Variants in NKAIN2 observed in about 807,000 individuals in gnomAD.
NKAIN2 encodes the protein sodium/potassium-transporting ATPase subunit beta-1-interacting protein 2.
Under a neutral mutation model 32.6 loss-of-function variants are expected in NKAIN2, and 14 were observed. The ratio of observed to expected loss-of-function variants is 0.43; its 90% CI spans 0.28 to 0.67. The LOEUF is 0.67. NKAIN2 is among the 30% of genes least tolerant of loss of function. The probability of loss-of-function intolerance (pLI) is 0.17; values close to 1 mark genes in which losing one functional copy is unlikely to be tolerated. For synonymous variants in NKAIN2, 80 were observed against 87.2 expected (o/e 0.92, Z 0.46); for missense variants, 198 against 258.3 (o/e 0.77, Z 1.60).
At chr6:123,896,701 T>C (rs1774296136) in intron 1 of NKAIN2, among the ~76,000 whole-genome samples, 1 of 152,170 alleles carries the variant, frequency 6.6e-6, no homozygotes, top group Non-Finnish European at 1.5e-5. Context: ...GTCAATCCAC[T>C]ATGTAAATGT....
At chr6:124,664,793 CAAAAAAAAAAAAAAAAAAAAAAAA>C (rs57032378) in intron 4 of NKAIN2, among the ~76,000 whole-genome samples, 3 of 40,800 alleles carry the variant, frequency 7.4e-5, no homozygotes, top group African/African-American at 9.8e-5. Context: ...GACTCCGTCT[CAAAAAAAAAAAAAAAAAAAAAAAA>C]AAAAAAAAAA....
chr6:124,661,700 C>G (rs1025976550), intron 4 of NKAIN2, among the ~76,000 whole-genome samples: 1 of 152,108 alleles, frequency 6.6e-6, no homozygotes, highest in Non-Finnish European at 1.5e-5. Context: ...TTCTCCTTCT[C>G]CAGCCATATT....
At chr6:123,906,534 C>T (rs963375526) in intron 1 of NKAIN2, among the ~76,000 whole-genome samples, 2 of 152,160 alleles carry the variant, frequency 1.3e-5, no homozygotes, top group Admixed American at 1.3e-4. Context: ...CTCAAGCAAT[C>T]TGCTTGCCTC....
At chr6:123,925,276 T>C (rs1196078860) in intron 1 of NKAIN2, among the ~76,000 whole-genome samples, 2 of 152,178 alleles carry the variant, frequency 1.3e-5, no homozygotes, top group Admixed American at 1.3e-4. Context: ...TAAAACATTG[T>C]GTATAAATAA....
intron 1 of NKAIN2, among the ~76,000 whole-genome samples, chr6:123,902,570 A>G (rs369296576): frequency 6.0e-4 from 91 of 152,270 alleles, no homozygotes; most frequent in Admixed American, 1.0e-3. Context: ...AATTAATCCT[A>G]ATTAAACATT....
intron 1 of NKAIN2, among the ~76,000 whole-genome samples, chr6:124,126,309 C>T (rs562352176): frequency 6.6e-6 from 1 of 152,276 alleles, no homozygotes; most frequent in South Asian, 2.1e-4. Flanking sequence ...TGCCACAGTT[C>T]CCTAGTCCAT....
chr6:124,711,165 C>G (rs1430622169), intron 4 of NKAIN2, among the ~76,000 whole-genome samples: 1 of 139,550 alleles, frequency 7.2e-6, no homozygotes, highest in Non-Finnish European at 1.5e-5. Context: ...GGCCCCCACT[C>G]TCTTCTGGCT....
chr6:123,930,020 C>T (rs921238371), intron 1 of NKAIN2, among the ~76,000 whole-genome samples: 1 of 152,030 alleles, frequency 6.6e-6, no homozygotes, highest in Non-Finnish European at 1.5e-5. Flanking sequence ...GTCCATGAAA[C>T]ATTTAAAACC....
intron 4 of NKAIN2, among the ~76,000 whole-genome samples, chr6:124,661,770 T>C (rs1157970739): frequency 6.6e-6 from 1 of 151,984 alleles, no homozygotes; most frequent in African/African-American, 2.4e-5. Context: ...ACAGATTTAA[T>C]AAAACCAAAA....
At chr6:124,178,350 C>T (rs1011180295) in intron 1 of NKAIN2, among the ~76,000 whole-genome samples, 13 of 149,746 alleles carry the variant, frequency 8.7e-5, no homozygotes, top group Admixed American at 2.7e-4. Context: ...CAGGCTGGAG[C>T]GCAGTGGCAT....
At position 124,061,348 on chromosome 6, in the gene NKAIN2, C is replaced by G. The variant is rs1782910324; in HGVS notation, c.55-221657C>G. ...TTATTATATAATCTTTTTTATTAAC[C>G]CTTACAGCTATTTTATGGGAAAGGT... On this transcript the variant is annotated intron_variant, in intron 1 of 6. Transcript: ENST00000368417. Among the ~76,000 whole-genome samples, 2 of 151,882 alleles carry G rather than the reference C, an allele frequency of 1.3e-5. 1 individual carries two copies. The highest frequency in any genetic ancestry group is 4.2e-4 in the South Asian group (2 of 4,814).
chr6:123,841,428 A>G (rs1774864411), intron 1 of NKAIN2, among the ~76,000 whole-genome samples: 1 of 152,198 alleles, frequency 6.6e-6, no homozygotes, highest in Non-Finnish European at 1.5e-5. Flanking sequence ...ATAAGGCTGA[A>G]AGGAGTGACT....
At chr6:124,623,101 A>C (rs1783170790) in intron 3 of NKAIN2, among the ~76,000 whole-genome samples, 1 of 152,086 alleles carries the variant, frequency 6.6e-6, no homozygotes, top group African/African-American at 2.4e-5. Flanking sequence ...ACTTAATTAC[A>C]TATGCAAAGA....
chr6:124,748,382 T>C (rs1364500056), intron 4 of NKAIN2, among the ~76,000 whole-genome samples: 1 of 151,888 alleles, frequency 6.6e-6, no homozygotes, highest in African/African-American at 2.4e-5. Flanking sequence ...GCCTTTCTGC[T>C]CTTAACACCT....
chr6:123,804,525 G>A (rs957583075), intron 1 of NKAIN2, among the ~76,000 whole-genome samples: 1 of 152,170 alleles, frequency 6.6e-6, no homozygotes, highest in African/African-American at 2.4e-5. Flanking sequence ...GGAAAAGCAA[G>A]ATGTAGCTCT....
At chr6:124,490,535 G>C (rs554927873) in intron 3 of NKAIN2, 1 of 328,546 alleles carries the variant, frequency 3.0e-6, no homozygotes, top group African/African-American at 2.2e-5. Context: ...GTATTTAGTA[G>C]AGGAGTTATG....
intron 6 of NKAIN2, among the ~76,000 whole-genome samples, chr6:124,819,939 A>G (rs1431645439): frequency 6.6e-6 from 1 of 152,170 alleles, no homozygotes; most frequent in Non-Finnish European, 1.5e-5. Flanking sequence ...TTTCCAATTC[A>G]TGCTGTTCTC....
At chr6:123,851,521 G>A (rs977002066) in intron 1 of NKAIN2, among the ~76,000 whole-genome samples, 21 of 152,086 alleles carry the variant, frequency 1.4e-4, no homozygotes, top group African/African-American at 4.1e-4. Context: ...AAAGTGTTGA[G>A]ATTACAGTTA....
At chr6:124,314,688 C>T (rs1029263708) in intron 2 of NKAIN2, among the ~76,000 whole-genome samples, 3 of 152,268 alleles carry the variant, frequency 2.0e-5, no homozygotes, top group Admixed American at 2.0e-4. Context: ...GAAAAGGGTT[C>T]AGCCTACGAT....
Sources: allele counts gnomAD v4.1 joint callset (sites outside exome capture counted in the v4.1 genomes callset), GRCh38; gene constraint gnomAD v4.1.1; transcripts MANE v1.5; gene names NCBI Gene and HGNC (gene_info 2026-07-23, HGNC 2026-07-21).